The following CATSPERT variants were observed in gnomAD, a reference collection of about 807,000 sequenced individuals.
CATSPERT encodes catsper channel auxiliary subunit tau.
the CATSPERT span, among the ~76,000 whole-genome samples, chr2:201,502,932 A>T: frequency 1.4e-5 from 2 of 147,436 alleles, no homozygotes; most frequent in Non-Finnish European, 3.0e-5. Context: ...ATTTTTGTGT[A>T]GCTCCTAATC....
At chr2:201,535,968 G>A in the CATSPERT span, 1 of 1,602,098 alleles carries the variant, frequency 6.2e-7, no homozygotes, top group Non-Finnish European at 8.5e-7. Context: ...TTCTGTTGGA[G>A]ATGAATCTAA....
the CATSPERT span, among the ~76,000 whole-genome samples, chr2:201,575,655 C>G: frequency 6.6e-6 from 1 of 152,140 alleles, no homozygotes; most frequent in East Asian, 1.9e-4. Context: ...GAATCTAATG[C>G]CTGATTATCT....
chr2:201,574,999 C>T, the CATSPERT span, among the ~76,000 whole-genome samples: 1 of 148,462 alleles, frequency 6.7e-6, no homozygotes, highest in African/African-American at 2.5e-5. Flanking sequence ...TACTCTCTTA[C>T]CCAATGATTT....
chr2:201,576,677 C>T, the CATSPERT span, among the ~76,000 whole-genome samples: 310 of 152,268 alleles, frequency 2.0e-3, no homozygotes, highest in African/African-American at 6.6e-3. Context: ...CCACGGCACG[C>T]GGAGTGAACG....
chr2:201,503,443 T>G, the CATSPERT span, among the ~76,000 whole-genome samples: 2 of 152,092 alleles, frequency 1.3e-5, no homozygotes, highest in Non-Finnish European at 2.9e-5. Flanking sequence ...GTTGCCCAAG[T>G]GGGAGTGCAG....
the CATSPERT span, among the ~76,000 whole-genome samples, chr2:201,488,550 T>C: frequency 6.6e-6 from 1 of 152,234 alleles, no homozygotes; most frequent in African/African-American, 2.4e-5. Flanking sequence ...TAAATGATTC[T>C]TTTTCAAATT....
the CATSPERT span, chr2:201,545,665 A>G: frequency 1.2e-6 from 1 of 869,046 alleles, no homozygotes; most frequent in South Asian, 2.4e-5. Context: ...AAAAAAAAAT[A>G]TATATGGGAA....
chr2:201,522,065 G>A, the CATSPERT span, among the ~76,000 whole-genome samples: 1 of 152,110 alleles, frequency 6.6e-6, no homozygotes, highest in Admixed American at 6.5e-5. Flanking sequence ...ACATCATACT[G>A]AATGGGGGAA....
chr2:201,498,298 C>T, the CATSPERT span, among the ~76,000 whole-genome samples: 2 of 152,110 alleles, frequency 1.3e-5, no homozygotes, highest in African/African-American at 4.8e-5. Flanking sequence ...AGCTGAATGC[C>T]CCAAAGCCCC....
chr2:201,503,168 C>A, the CATSPERT span, among the ~76,000 whole-genome samples: 1 of 151,986 alleles, frequency 6.6e-6, no homozygotes, highest in Non-Finnish European at 1.5e-5. Context: ...GATGTCATTT[C>A]AGGATCTTTT....
At chr2:201,586,120 T>C in the CATSPERT span, among the ~76,000 whole-genome samples, 1 of 152,214 alleles carries the variant, frequency 6.6e-6, no homozygotes, top group Non-Finnish European at 1.5e-5. Context: ...TTTTTAACGT[T>C]TTCTTTTCTC....
chr2:201,510,614 G>T, the CATSPERT span, among the ~76,000 whole-genome samples: 1 of 152,224 alleles, frequency 6.6e-6, no homozygotes, highest in East Asian at 1.9e-4. Context: ...TGACAGACAA[G>T]AATAAGTTGA....
At chr2:201,500,438 C>T in the CATSPERT span, among the ~76,000 whole-genome samples, 3 of 152,128 alleles carry the variant, frequency 2.0e-5, no homozygotes, top group African/African-American at 4.8e-5. Context: ...CACTTGAACC[C>T]GGGAGGTGGA....
At chr2:201,558,766 C>T in the CATSPERT span, among the ~76,000 whole-genome samples, 1 of 152,174 alleles carries the variant, frequency 6.6e-6, no homozygotes, top group Admixed American at 6.5e-5. Flanking sequence ...CAAGCTGCTA[C>T]AGCACAGTGC....
the CATSPERT span, among the ~76,000 whole-genome samples, chr2:201,600,058 C>A: frequency 1.3e-5 from 2 of 152,154 alleles, no homozygotes; most frequent in Non-Finnish European, 2.9e-5. Flanking sequence ...ACTAGAAATA[C>A]CATTTAACCC....
chr2:201,492,244 GTTT>G, the CATSPERT span: 1 of 1,519,372 alleles, frequency 6.6e-7, no homozygotes, highest in Non-Finnish European at 8.8e-7. Flanking sequence ...AGGTAAATGT[GTTT>G]TTATATATTT....
chr2:201,598,770 C>T, the CATSPERT span, among the ~76,000 whole-genome samples: 9 of 152,042 alleles, frequency 5.9e-5, no homozygotes, highest in African/African-American at 1.7e-4. Flanking sequence ...TTAGTAGAGA[C>T]GGGTTTCACC....
the CATSPERT span, among the ~76,000 whole-genome samples, chr2:201,595,785 AC>A: frequency 2.0e-5 from 3 of 152,222 alleles, no homozygotes; most frequent in Non-Finnish European, 2.9e-5. Flanking sequence ...AAAAGAAGAC[AC>A]ACATGTGGCC....
chr2:201,595,344 T>G, the CATSPERT span, among the ~76,000 whole-genome samples: 1 of 151,602 alleles, frequency 6.6e-6, no homozygotes, highest in Non-Finnish European at 1.5e-5. Context: ...GCCCGCCACC[T>G]CGCCCGGCTA....
Sources: gnomAD v4.1 joint callset for allele counts (sites outside exome capture counted in the v4.1 genomes callset) on GRCh38, gnomAD v4.1.1 for gene constraint, MANE v1.5 for transcripts, NCBI Gene and HGNC (gene_info 2026-07-23, HGNC 2026-07-21) for gene names.